The following APBB2 variants were observed in gnomAD, a reference collection of about 807,000 sequenced individuals.
The protein encoded by APBB2 is Fe65-like 1.
Under a neutral mutation model 82.5 loss-of-function variants are expected in APBB2, and 38 were observed. The ratio of observed to expected loss-of-function variants is 0.46; its 90% confidence interval spans 0.36 to 0.60. The LOEUF is 0.60. Among genes scored for constraint, APBB2 ranks in the 20% least tolerant of loss-of-function variants. The pLI is 0.00. For synonymous variants in APBB2, 341 were observed against 368.2 expected (o/e 0.93, Z 0.85); for missense variants, 772 against 972.3 (o/e 0.79, Z 2.74).
chr4:41,119,167 C>G (rs942605916), intron 2 of APBB2, among the ~76,000 whole-genome samples: 2 of 149,368 alleles, frequency 1.3e-5, no homozygotes, highest in African/African-American at 2.5e-5. Flanking sequence ...TTTTTAAGAG[C>G]ATGAACATGA....
chr4:40,880,295 T>A (rs1261503502), intron 12 of APBB2: 12 of 985,386 alleles, frequency 1.2e-5, no homozygotes, highest in Non-Finnish European at 1.4e-5. Flanking sequence ...CTCAAATTCT[T>A]CTTTCCCAGT....
chr4:41,110,417 A>C (rs894354370), intron 2 of APBB2, among the ~76,000 whole-genome samples: 2 of 152,148 alleles, frequency 1.3e-5, no homozygotes, highest in Non-Finnish European at 2.9e-5. Context: ...AGCCTGGCCA[A>C]CACAGTGAAA....
intron 5 of APBB2, among the ~76,000 whole-genome samples, chr4:41,025,867 G>A (rs1227548384): frequency 2.0e-5 from 3 of 149,804 alleles, no homozygotes; most frequent in Admixed American, 6.7e-5. Flanking sequence ...GGTAGGGGTT[G>A]GGGGGTGGAG....
At chr4:40,856,721 G>A (rs1015813819) in intron 12 of APBB2, among the ~76,000 whole-genome samples, 1 of 152,164 alleles carries the variant, frequency 6.6e-6, no homozygotes, top group Non-Finnish European at 1.5e-5. Context: ...TCAATGAATA[G>A]CCCACCCCGA....
At position 40,812,174 on chromosome 4, in the gene APBB2, A is replaced by T. The variant is rs1744551376; in HGVS notation, c.*3918T>A. ...AATATGTAGTAACTAATCAAAGCAA[A>T]ATGCTCCATTACTAAAGTGATTTCT... On this transcript the variant is annotated 3_prime_UTR_variant, in exon 18 of 18. Coordinates refer to ENST00000508593, the MANE Select transcript of APBB2 (RefSeq NM_004307.2). 1 of 152,210 alleles carries T rather than the reference A, an allele frequency of 6.6e-6. No individual in the cohort carries two copies. The highest frequency in any genetic ancestry group is 6.5e-5 in the Admixed American group (1 of 15,288). 9.4% of individuals were successfully genotyped at this position (152,210 alleles called of 1,614,324 possible). A position where few individuals can be genotyped will look rare whatever the true frequency, so the allele number is the denominator to read the frequency against.
chr4:41,059,363 A>G (rs1728937566), intron 4 of APBB2, among the ~76,000 whole-genome samples: 1 of 152,266 alleles, frequency 6.6e-6, no homozygotes, highest in Admixed American at 6.5e-5. Flanking sequence ...CAGGTGGCTG[A>G]GACAGGAGAA....
intron 6 of APBB2, among the ~76,000 whole-genome samples, chr4:40,954,827 G>C (rs1196757842): frequency 1.6e-4 from 24 of 152,150 alleles, no homozygotes; most frequent in Non-Finnish European, 3.1e-4. Flanking sequence ...TCACACCCGG[G>C]TAATTTTTTG....
chr4:40,941,912 C>G (rs1453480970), intron 7 of APBB2, among the ~76,000 whole-genome samples: 1 of 152,102 alleles, frequency 6.6e-6, no homozygotes, highest in Non-Finnish European at 1.5e-5. Context: ...GCTGGGATTA[C>G]AGGCGTGAGC....
chr4:40,983,397 A>T (rs1313205735), intron 6 of APBB2, among the ~76,000 whole-genome samples: 1 of 152,216 alleles, frequency 6.6e-6, no homozygotes, highest in Non-Finnish European at 1.5e-5. Context: ...TGAAATGCAC[A>T]TTTTTATAAT....
intron 2 of APBB2, among the ~76,000 whole-genome samples, chr4:41,137,195 G>A (rs1757817154): frequency 6.6e-6 from 1 of 152,082 alleles, no homozygotes; most frequent in South Asian, 2.1e-4. Flanking sequence ...TAAAATAATA[G>A]TTTTGTGATA....
chr4:40,927,063 T>C (rs1482103018), intron 10 of APBB2, among the ~76,000 whole-genome samples: 1 of 152,240 alleles, frequency 6.6e-6, no homozygotes, highest in Non-Finnish European at 1.5e-5. Flanking sequence ...AGATCAGGGC[T>C]ACTACATTTC....
In APBB2 at chr4:40,993,361, CTTTTTTTTTT is replaced by C. The variant is rs34787320; in HGVS notation, c.835+20212_835+20221del. Reference sequence around the variant, plus strand: ...CAGGAGCAATTAAGAACTCTTCTCTCTTTTTTTTTTTTTTTTTTTTTTTTAACAAAAATGT... The same window carrying C: ...CAGGAGCAATTAAGAACTCTTCTCTCTTTTTTTTTTTTTTAACAAAAATGT... On this transcript the variant is annotated intron_variant, in intron 6 of 17. Transcript: ENST00000508593. 5.0e-4 allele frequency among the ~76,000 whole-genome samples: 57 copies of C among 114,620 alleles called. 2 individuals carry two copies. The highest frequency in any genetic ancestry group is 1.9e-3 in the African/African-American group (53 of 28,480). 75.2% of individuals were successfully genotyped at this position (114,620 alleles called of 152,430 possible).
intron 10 of APBB2, among the ~76,000 whole-genome samples, chr4:40,894,870 C>T (rs546875598): frequency 4.6e-5 from 7 of 152,212 alleles, no homozygotes; most frequent in African/African-American, 1.7e-4. Flanking sequence ...CCAGGGTTGC[C>T]GCATGCCTGA....
chr4:40,946,090 G>A (rs1460461044), intron 6 of APBB2, among the ~76,000 whole-genome samples: 1 of 152,086 alleles, frequency 6.6e-6, no homozygotes, highest in Non-Finnish European at 1.5e-5. Flanking sequence ...AAATTAGCTG[G>A]GCATGGTGGC....
chr4:40,852,928 G>A (rs1759942400), intron 12 of APBB2, among the ~76,000 whole-genome samples: 1 of 152,082 alleles, frequency 6.6e-6, no homozygotes. Context: ...TACAGCATGA[G>A]CCACCGTGTC....
intron 6 of APBB2, among the ~76,000 whole-genome samples, chr4:40,957,518 T>C (rs1037863198): frequency 7.9e-5 from 12 of 151,888 alleles, no homozygotes; most frequent in Non-Finnish European, 1.8e-4. Flanking sequence ...TAGAACAAAA[T>C]AGTTTAAATC....
intron 2 of APBB2, among the ~76,000 whole-genome samples, chr4:41,129,970 A>G (rs2585586): frequency 0.95 from 144,092 of 152,152 alleles, 68,484 homozygotes; most frequent in Non-Finnish European, 0.99. Flanking sequence ...GAAGGTTTGC[A>G]ATTTTTAAAA....
chr4:40,916,602 G>T lies in APBB2; in HGVS notation c.1254+17854C>A, dbSNP rs188934234. Among the ~76,000 whole-genome samples the T allele has an allele frequency of 9.8e-5, 15 of 152,290 alleles. No homozygotes were observed. The East Asian group carries it at 2.1e-3, about 22-fold the overall frequency. On this transcript the variant is annotated intron_variant, in intron 10 of 17. Coordinates refer to ENST00000508593, the MANE Select transcript of APBB2 (RefSeq NM_004307.2). Reference sequence around the variant, plus strand: ...TTTGTTCCAAGTAGGTAACATACCCGTGTCTCTGTGCAATCATGTCTTACC... The same window carrying T: ...TTTGTTCCAAGTAGGTAACATACCCTTGTCTCTGTGCAATCATGTCTTACC...
chr4:40,896,351 C>A (rs1773657546), intron 10 of APBB2, among the ~76,000 whole-genome samples: 1 of 152,206 alleles, frequency 6.6e-6, no homozygotes, highest in African/African-American at 2.4e-5. Context: ...GCGTAAGCCA[C>A]CGCACCCAGA....
Sources: gnomAD v4.1 joint callset for allele counts (sites outside exome capture counted in the v4.1 genomes callset) on GRCh38, gnomAD v4.1.1 for gene constraint, MANE v1.5 for transcripts, NCBI Gene and HGNC (gene_info 2026-07-23, HGNC 2026-07-21) for gene names.